ZFYVE26: variants seen among roughly 807,000 people sequenced by gnomAD.
ZFYVE26 encodes zinc finger FYVE domain-containing protein 26.
ZFYVE26 carries 181 observed loss-of-function variants against 276.5 expected under a neutral mutation model. The ratio of observed to expected loss-of-function variants is 0.65; its 90% confidence interval spans 0.58 to 0.74. ZFYVE26 has a LOEUF of 0.74. ZFYVE26 is among the 30% of genes least tolerant of loss of function. The pLI, the probability that ZFYVE26 is intolerant of heterozygous loss-of-function variation, is 0.00. For missense variants in ZFYVE26, 2,821 were observed against 3,097.9 expected, an observed-to-expected ratio of 0.91 and a Z score of 2.12; for synonymous variants, 1,129 against 1,203.1, an observed-to-expected ratio of 0.94 and a Z score of 1.27.
chr14:67,777,824 T>TTA, intron 24 of ZFYVE26, 89 bp from the exon 25 acceptor site: 1 of 1,539,382 alleles, frequency 6.5e-7, no homozygotes, highest in Admixed American at 1.7e-5. Flanking sequence ...ATATTTAGGT[T>TTA]TACTCATTTT....
intron 9 of ZFYVE26, among the ~76,000 whole-genome samples, 192 bp from the exon 10 acceptor site, chr14:67,802,474 G>A (rs2040098259): frequency 6.6e-6 from 1 of 152,064 alleles, no homozygotes; most frequent in Non-Finnish European, 1.5e-5. Flanking sequence ...TCAGTTCCCT[G>A]CACTTCCTTT....
At chr14:67,742,838 C>CTTCTTTTTTTTT (rs769663149), downstream of ZFYVE26, among the ~76,000 whole-genome samples, 295 of 89,740 alleles carry the variant, frequency 3.3e-3, no homozygotes, top group Non-Finnish European at 4.6e-3. Context: ...TCTTCTTCTT[C>CTTCTTTTTTTTT]TTTTTTTTTT....
chr14:67,799,055 G>A, intron 10 of ZFYVE26: 1 of 1,184,112 alleles, frequency 8.4e-7, no homozygotes, highest in Non-Finnish European at 1.3e-6. Context: ...ACAGAGAGCA[G>A]TGTACGATGA....
intron 9 of ZFYVE26, 96 bp downstream of exon 9, chr14:67,804,005 T>G: frequency 6.5e-7 from 1 of 1,541,516 alleles, no homozygotes; most frequent in Non-Finnish European, 9.0e-7. Flanking sequence ...TCTTGAAAGA[T>G]CTCAGCAATC....
At chr14:67,793,118 G>T (rs1403413431) in intron 14 of ZFYVE26, among the ~76,000 whole-genome samples, 1 of 151,456 alleles carries the variant, frequency 6.6e-6, no homozygotes, top group Non-Finnish European at 1.5e-5. Context: ...AAATTAGCCT[G>T]GTGTGGTGGG....
chr14:67,785,352 A>G, intron 18 of ZFYVE26, 75 bp from the exon 19 acceptor site: 8 of 1,357,796 alleles, frequency 5.9e-6, no homozygotes, highest in Non-Finnish European at 8.2e-6. Context: ...TTCTGACTGG[A>G]TATGTGAACT....
rs370574795 is a variant in ZFYVE26 at position 67,790,631 on chromosome 14, A to G, written c.2696T>C (p.Ile899Thr). ...NQNSDAGSST[I>T]RRTGSGRSTL... ...TGAGCGGCCACTGCCAGTTCTCCGAATGGTGCTGCTACCCGCATCTGAGTT... is the reference window on the plus strand; with the variant it reads ...TGAGCGGCCACTGCCAGTTCTCCGAGTGGTGCTGCTACCCGCATCTGAGTT... Residue 899 changes from isoleucine to threonine, a missense_variant, in exon 15 of 42, where the codon ATT becomes ACT. Physicochemically the swap from Ile to Thr is moderately conservative, Grantham distance 89 (BLOSUM62 -1). Coordinates refer to ENST00000347230, the MANE Select transcript of ZFYVE26 (RefSeq NM_015346.4). The G allele has an allele frequency of 1.2e-6, 2 of 1,614,138 alleles. No homozygotes were observed. Among genetic ancestry groups the G allele is most frequent in the Admixed American group, 1.7e-5 (1 of 60,016 alleles).
intron 16 of ZFYVE26, among the ~76,000 whole-genome samples, chr14:67,787,610 C>T (rs899644520): frequency 6.6e-6 from 1 of 152,154 alleles, no homozygotes; most frequent in Admixed American, 6.5e-5. Context: ...TGCACCCACA[C>T]ACACACACAA....
chr14:67,784,035 T>G (rs745584382), intron 20 of ZFYVE26, among the ~76,000 whole-genome samples: 2 of 152,262 alleles, frequency 1.3e-5, no homozygotes, highest in African/African-American at 2.4e-5. Context: ...TCTCTGAGAA[T>G]GCTGTTTTCC....
At chr14:67,729,375 C>A (rs1344063890) in exon 14 of ZFYVE26, 1 of 1,597,450 alleles carries the variant, frequency 6.3e-7, no homozygotes, top group Non-Finnish European at 8.5e-7. Context: ...GTGGCAAGTA[C>A]TTCAGGTGTG....
chr14:67,756,367 CCTCA>C, intron 35 of ZFYVE26: 1 of 594,286 alleles, frequency 1.7e-6, no homozygotes, highest in South Asian at 2.0e-5. Context: ...GGTTATCTAC[CCTCA>C]CTGTCTCCAA....
chr14:67,791,520 A>T (rs961183547), intron 14 of ZFYVE26, among the ~76,000 whole-genome samples: 1 of 152,220 alleles, frequency 6.6e-6, no homozygotes, highest in Non-Finnish European at 1.5e-5. Flanking sequence ...TGGCCAAAAA[A>T]ATAAATTTTT....
At chr14:67,786,380 C>T in intron 16 of ZFYVE26, 147 bp from the exon 17 acceptor site, 1 of 1,055,428 alleles carries the variant, frequency 9.5e-7, no homozygotes. Context: ...TGGGTGACAA[C>T]CAGTATACTT....
In ZFYVE26 at chr14:67,769,703, A is replaced by G; in HGVS notation, c.5512T>C (p.Cys1838Arg). 3 of 1,614,168 alleles carry G rather than the reference A, an allele frequency of 1.9e-6. No homozygotes were observed. Among genetic ancestry groups the G allele is most frequent in the South Asian group, 2.2e-5 (2 of 91,080 alleles). The change falls in exon 29 of 42, where the codon TGT becomes CGT. Residue 1838 changes from cysteine (C) to arginine (R), a missense_variant. Physicochemically the swap from Cys to Arg is radical, Grantham distance 180. Coordinates refer to ENST00000347230, the MANE Select transcript of ZFYVE26 (RefSeq NM_015346.4). The stretch of plus-strand genomic sequence containing the variant: ...CAGGAGCTGCACACTAGCCGGCCAC[A>G]GCGGCGACAATGATGACGCCTGTTA... Reference protein sequence around the residue: ...MFNRRHHCRRCGRLVCSSCST... With the variant: ...MFNRRHHCRRRGRLVCSSCST...
At position 67,753,756 on chromosome 14, in the gene ZFYVE26, C is replaced by T. The variant is rs1380382407; in HGVS notation, c.7139G>A (p.Gly2380Glu). ...KMDVACKVMLGGKNVEDGFGI... is the reference protein window; with the variant it reads ...KMDVACKVMLEGKNVEDGFGI... ...AAAACCATCTTCTACATTTTTCCCT[C>T]CCAGCATGACCTGAAAAGGAAAGGG... is the stretch of plus-strand genomic sequence containing the variant. Residue 2380 changes from glycine to glutamate, a missense_variant, in exon 39 of 42, where the codon GGA becomes GAA. Physicochemically the swap from Gly to Glu is moderately conservative, Grantham distance 98. Transcript: ENST00000347230. 1 of 1,613,300 alleles carries T rather than the reference C, an allele frequency of 6.2e-7. No individual in the cohort carries two copies. The highest frequency in any genetic ancestry group is 1.1e-5 in the South Asian group (1 of 90,886).
At chr14:67,804,405 G>T in intron 8 of ZFYVE26, 141 bp from the exon 9 acceptor site, 1 of 1,081,800 alleles carries the variant, frequency 9.2e-7, no homozygotes, top group South Asian at 1.4e-5. Flanking sequence ...AATTTTAGTT[G>T]GTTTGGGACT....
At position 67,748,483 on chromosome 14, in the gene ZFYVE26, G is replaced by A; in HGVS notation, c.7573C>T (p.Leu2525=). The part of the protein sequence containing the change: ...VVQDICAQWL[L]TSHPRGAHGP... Reference sequence around the variant, plus strand: ...TGGGCACCCCGGGGGTGGCTTGTCAGAAGCCACTGGGCACAGATGTCTTGC... The same window carrying A: ...TGGGCACCCCGGGGGTGGCTTGTCAAAAGCCACTGGGCACAGATGTCTTGC... Residue 2525 remains leucine, a synonymous_variant, in exon 42 of 42, where the codon CTG becomes TTG. Transcript: ENST00000347230. 1 of 1,613,290 alleles carries A rather than the reference G, an allele frequency of 6.2e-7. No individual in the cohort carries two copies. The highest frequency in any genetic ancestry group is 8.5e-7 in the Non-Finnish European group (1 of 1,179,892).
In ZFYVE26 at chr14:67,769,738, A is replaced by G; in HGVS notation, c.5485-8T>C. On this transcript the variant is annotated splice_polypyrimidine_tract_variant and splice_region_variant and intron_variant, in intron 28 of 41. Coordinates refer to ENST00000347230, the MANE Select transcript of ZFYVE26 (RefSeq NM_015346.4). Reference sequence around the variant, plus strand: ...ATGATGACGCCTGTTAAACTGAGGAATGCCATCAGGAGGAGAAGAAAGAGG... The same window carrying G: ...ATGATGACGCCTGTTAAACTGAGGAGTGCCATCAGGAGGAGAAGAAAGAGG... The G allele has an allele frequency of 6.2e-7, 1 of 1,614,024 alleles. No homozygotes were observed. Among genetic ancestry groups the G allele is most frequent in the Non-Finnish European group, 8.5e-7 (1 of 1,180,002 alleles).
downstream of ZFYVE26, among the ~76,000 whole-genome samples, chr14:67,743,745 A>G (rs1382876400): frequency 3.9e-5 from 6 of 152,060 alleles, no homozygotes; most frequent in Non-Finnish European, 8.8e-5. Flanking sequence ...TGCTGAAGCT[A>G]AGGGATTGTA....
Sources: gnomAD v4.1 joint callset for allele counts (sites outside exome capture counted in the v4.1 genomes callset) on GRCh38, gnomAD v4.1.1 for gene constraint, MANE v1.5 for transcripts, NCBI Gene and HGNC (gene_info 2026-07-23, HGNC 2026-07-21) for gene names.